The following CNTNAP4 variants were observed in gnomAD, a reference collection of about 807,000 sequenced individuals.
CNTNAP4 encodes the protein contactin associated protein family member 4.
CNTNAP4 carries 98 observed loss-of-function variants against 148.4 expected under a neutral mutation model. The ratio of observed to expected loss-of-function variants is 0.66; its 90% CI spans 0.56 to 0.78. CNTNAP4 has a LOEUF of 0.78. Among genes scored for constraint, CNTNAP4 ranks in the 30% least tolerant of loss-of-function variants. CNTNAP4 has a pLI of 0.00. For synonymous variants in CNTNAP4, 730 were observed against 565.1 expected, an observed-to-expected ratio of 1.29 and a Z score of -4.14; for missense variants, 1,935 against 1,565.6, an observed-to-expected ratio of 1.24 and a Z score of -3.98.
chr16:76,408,366 TTGTTAATCTATTAACAATTAAC>T, intron 3 of CNTNAP4, among the ~76,000 whole-genome samples: 1 of 141,586 alleles, frequency 7.1e-6, no homozygotes, highest in African/African-American at 3.1e-5. Flanking sequence ...CAATTAACAG[TTGTTAATCTATTAACAATTAAC>T]AGTTGTTAAT....
chr16:76,431,159 T>C (rs1286709691), intron 4 of CNTNAP4, among the ~76,000 whole-genome samples: 1 of 152,152 alleles, frequency 6.6e-6, no homozygotes, highest in East Asian at 1.9e-4. Flanking sequence ...TGCAGATATT[T>C]TCACATGGGA....
At chr16:76,501,545 A>T (rs2082642991) in intron 15 of CNTNAP4, among the ~76,000 whole-genome samples, 1 of 152,178 alleles carries the variant, frequency 6.6e-6, no homozygotes, top group Non-Finnish European at 1.5e-5. Flanking sequence ...CCTGCAGTGG[A>T]CATTTGGCAG....
intron 8 of CNTNAP4, among the ~76,000 whole-genome samples, chr16:76,454,421 T>A (rs1208261458): frequency 6.6e-6 from 1 of 152,214 alleles, no homozygotes; most frequent in Non-Finnish European, 1.5e-5. Context: ...GATTTAAAAA[T>A]TTCTAAATGA....
chr16:76,483,581 C>T (rs746600103), intron 12 of CNTNAP4, among the ~76,000 whole-genome samples: 2 of 152,140 alleles, frequency 1.3e-5, no homozygotes, highest in Non-Finnish European at 2.9e-5. Flanking sequence ...GGGCTCAGTG[C>T]GTGCAACCTT....
chr16:76,338,747 C>T (rs1964223838), intron 2 of CNTNAP4, among the ~76,000 whole-genome samples: 1 of 152,118 alleles, frequency 6.6e-6, no homozygotes, highest in Non-Finnish European at 1.5e-5. Flanking sequence ...CCTGACTTTA[C>T]CAGATCTTTG....
chr16:76,461,623 A>G (rs1286046664), intron 8 of CNTNAP4, among the ~76,000 whole-genome samples: 1 of 152,176 alleles, frequency 6.6e-6, no homozygotes, highest in Non-Finnish European at 1.5e-5. Flanking sequence ...AAACCATTTT[A>G]TTGGGTATAT....
chr16:76,319,446 G>A (rs765059159), intron 2 of CNTNAP4, among the ~76,000 whole-genome samples: 4 of 152,070 alleles, frequency 2.6e-5, no homozygotes, highest in Admixed American at 1.3e-4. Context: ...CTTTCCATTC[G>A]AAGTATGCTA....
At chr16:76,381,813 G>T (rs1361463058) in intron 3 of CNTNAP4, among the ~76,000 whole-genome samples, 1 of 152,024 alleles carries the variant, frequency 6.6e-6, no homozygotes, top group Non-Finnish European at 1.5e-5. Flanking sequence ...GTAATCCCAG[G>T]ACTTTGGGAG....
chr16:76,360,710 A>T (rs893669662), intron 3 of CNTNAP4, among the ~76,000 whole-genome samples: 1 of 152,140 alleles, frequency 6.6e-6, no homozygotes, highest in Non-Finnish European at 1.5e-5. Context: ...CTACATTATT[A>T]GTCTAAATCT....
chr16:76,538,421 G>C, intron 19 of CNTNAP4, 81 bp downstream of exon 19: 1 of 1,059,706 alleles, frequency 9.4e-7, no homozygotes, highest in South Asian at 1.5e-5. Context: ...TCGTGTTCTG[G>C]CTTCTCAAGC....
chr16:76,345,150 A>G (rs1211816363), intron 2 of CNTNAP4, among the ~76,000 whole-genome samples: 1 of 152,180 alleles, frequency 6.6e-6, no homozygotes, highest in African/African-American at 2.4e-5. Context: ...GAGTTCCTGA[A>G]GCTGGCTGTG....
chr16:76,311,595 C>T (rs1035133589), intron 1 of CNTNAP4, among the ~76,000 whole-genome samples: 8 of 152,042 alleles, frequency 5.3e-5, no homozygotes, highest in Non-Finnish European at 1.2e-4. Flanking sequence ...ATATCAAGGT[C>T]TATGTGGAAA....
rs1239360560 is a variant in CNTNAP4 at position 76,444,176 on chromosome 16, A to T, written c.539-3836A>T. On this transcript the variant is annotated intron_variant, in intron 4 of 23. Coordinates refer to ENST00000611870, the MANE Select transcript of CNTNAP4 (RefSeq NM_033401.5). ...TAGATACGCAAGAAGTTAATATTCA[A>T]CAGGACAATAAACCCATAACCTTTG... Among the ~76,000 whole-genome samples the T allele has an allele frequency of 2.0e-5, 3 of 152,164 alleles. No individual in the cohort carries two copies. In the East Asian group the frequency reaches 5.8e-4, roughly 29 times the overall value.
intron 3 of CNTNAP4, among the ~76,000 whole-genome samples, chr16:76,375,721 T>C (rs2015349555): frequency 6.6e-6 from 1 of 152,148 alleles, no homozygotes; most frequent in African/African-American, 2.4e-5. Flanking sequence ...ATTGTCTCAT[T>C]TTCTGCAGGG....
intron 1 of CNTNAP4, among the ~76,000 whole-genome samples, chr16:76,283,554 G>A (rs1299690928): frequency 1.3e-5 from 2 of 151,830 alleles, no homozygotes; most frequent in Non-Finnish European, 2.9e-5. Context: ...AAACTAACAA[G>A]GGAACAGAAA....
At chr16:76,446,671 C>A (rs2080260478) in intron 4 of CNTNAP4, among the ~76,000 whole-genome samples, 2 of 152,100 alleles carry the variant, frequency 1.3e-5, no homozygotes. Context: ...GTCTTTCCAA[C>A]AATGTCCTTG....
chr16:76,555,366 C>G (rs1225743694), intron 23 of CNTNAP4, among the ~76,000 whole-genome samples: 1 of 151,978 alleles, frequency 6.6e-6, no homozygotes, highest in Non-Finnish European at 1.5e-5. Context: ...AAACCCAAAA[C>G]AAACAAAAAA....
intron 2 of CNTNAP4, among the ~76,000 whole-genome samples, chr16:76,318,713 G>T (rs1962073954): frequency 1.3e-5 from 1 of 78,500 alleles, no homozygotes; most frequent in African/African-American, 3.8e-5. Context: ...TTATTTATTA[G>T]AGAGAATAAA....
chr16:76,335,204 C>G (rs1207293301), intron 2 of CNTNAP4, among the ~76,000 whole-genome samples: 1 of 152,068 alleles, frequency 6.6e-6, no homozygotes, highest in African/African-American at 2.4e-5. Flanking sequence ...AAGGTGAGCA[C>G]ATACATTTCT....
Sources: allele counts gnomAD v4.1 joint callset (sites outside exome capture counted in the v4.1 genomes callset), GRCh38; gene constraint gnomAD v4.1.1; transcripts MANE v1.5; gene names NCBI Gene and HGNC (gene_info 2026-07-23, HGNC 2026-07-21).